RBFOX1: variants seen among roughly 807,000 people sequenced by gnomAD.
RBFOX1 encodes RNA binding fox-1 homolog 1.
A neutral mutation model predicts 57.7 loss-of-function variants in RBFOX1; 8 were observed. That is an observed-to-expected ratio of 0.14 (90% CI 0.08 to 0.25). The LOEUF is 0.25. Among genes scored for constraint, RBFOX1 ranks in the 10% least tolerant of loss-of-function variants. RBFOX1 has a pLI of 1.00. For missense variants in RBFOX1, 611 were observed against 548.5 expected, an observed-to-expected ratio of 1.11 and a Z score of -1.14; for synonymous variants, 326 against 222.4, an observed-to-expected ratio of 1.47 and a Z score of -4.15.
At chr16:5,938,545 A>G (rs538645695) in intron 4 of RBFOX1, among the ~76,000 whole-genome samples, 1 of 152,200 alleles carries the variant, frequency 6.6e-6, no homozygotes, top group East Asian at 1.9e-4. Context: ...AAACTCTACA[A>G]CCTATTTCAC....
At chr16:6,538,793 C>G (rs1363666126) in intron 2 of RBFOX1, among the ~76,000 whole-genome samples, 1 of 152,070 alleles carries the variant, frequency 6.6e-6, no homozygotes, top group Non-Finnish European at 1.5e-5. Flanking sequence ...GGGCCTCTGT[C>G]TTGTTTGCTA....
intron 2 of RBFOX1, among the ~76,000 whole-genome samples, chr16:6,398,890 G>A (rs2152949477): frequency 6.6e-6 from 1 of 152,304 alleles, no homozygotes; most frequent in Non-Finnish European, 1.5e-5. Flanking sequence ...GACTCTGTCT[G>A]GGGGCTCCAG....
chr16:6,485,727 C>G (rs960563817), intron 2 of RBFOX1, among the ~76,000 whole-genome samples: 1 of 152,178 alleles, frequency 6.6e-6, no homozygotes, highest in Non-Finnish European at 1.5e-5. Flanking sequence ...TCTGTTACCC[C>G]AAATTGAGGG....
At chr16:6,371,061 A>G (rs1295764438) in intron 2 of RBFOX1, among the ~76,000 whole-genome samples, 1 of 152,208 alleles carries the variant, frequency 6.6e-6, no homozygotes, top group Non-Finnish European at 1.5e-5. Context: ...TGCCATATTA[A>G]GAGACACATG....
intron 3 of RBFOX1, among the ~76,000 whole-genome samples, chr16:7,044,086 C>G (rs758442273): frequency 2.6e-5 from 4 of 152,132 alleles, no homozygotes; most frequent in Non-Finnish European, 4.4e-5. Context: ...TAGACAATAG[C>G]TCCAGTAGCC....
chr16:5,426,232 A>C (rs2067554643), intron 1 of RBFOX1, among the ~76,000 whole-genome samples: 1 of 152,112 alleles, frequency 6.6e-6, no homozygotes, highest in African/African-American at 2.4e-5. Context: ...TCCCACTCAA[A>C]GTAGGTGTTG....
chr16:5,536,015 G>A (rs2044679221), intron 2 of RBFOX1, among the ~76,000 whole-genome samples: 2 of 151,860 alleles, frequency 1.3e-5, no homozygotes, highest in Admixed American at 6.6e-5. Context: ...TCTTTCTCTA[G>A]CCCCCTTTCC....
chr16:5,530,180 T>A (rs767242851), intron 2 of RBFOX1, among the ~76,000 whole-genome samples: 1 of 152,180 alleles, frequency 6.6e-6, no homozygotes, highest in Non-Finnish European at 1.5e-5. Flanking sequence ...TTGAGCATAA[T>A]TGAAAGAACC....
chr16:6,835,549 T>C (rs6500845), intron 3 of RBFOX1, among the ~76,000 whole-genome samples: 79,173 of 151,368 alleles, frequency 0.52, 22,319 homozygotes, highest in East Asian at 0.87. Context: ...GCCAGGAGTT[T>C]GAGACCAGCC....
chr16:7,430,089 G>C (rs552450655), intron 4 of RBFOX1, among the ~76,000 whole-genome samples: 1 of 152,166 alleles, frequency 6.6e-6, no homozygotes, highest in African/African-American at 2.4e-5. Context: ...GGAATGAATT[G>C]ATTTTTAAAA....
At chr16:6,870,627 T>C (rs989522721) in intron 3 of RBFOX1, among the ~76,000 whole-genome samples, 5 of 152,172 alleles carry the variant, frequency 3.3e-5, no homozygotes, top group African/African-American at 9.7e-5. Flanking sequence ...AATCATAATG[T>C]AGATGAGCAG....
intron 3 of RBFOX1, among the ~76,000 whole-genome samples, chr16:6,926,639 A>G (rs2153464059): frequency 6.6e-6 from 1 of 152,256 alleles, no homozygotes; most frequent in South Asian, 2.1e-4. Context: ...GGTGTAGAAG[A>G]CACAGCTTTG....
chr16:5,342,521 C>A (rs1360842587), intron 1 of RBFOX1, among the ~76,000 whole-genome samples: 2 of 152,142 alleles, frequency 1.3e-5, no homozygotes, highest in East Asian at 3.8e-4. Context: ...TTTTCTATTT[C>A]CCAAAGTTCC....
chr16:5,762,794 A>G (rs770092784), intron 3 of RBFOX1, among the ~76,000 whole-genome samples: 4 of 152,208 alleles, frequency 2.6e-5, no homozygotes, highest in Non-Finnish European at 4.4e-5. Flanking sequence ...TCATTTACAT[A>G]GGTCTGGGAA....
At chr16:6,849,428 G>A (rs1376521346) in intron 3 of RBFOX1, among the ~76,000 whole-genome samples, 1 of 152,200 alleles carries the variant, frequency 6.6e-6, no homozygotes, top group African/African-American at 2.4e-5. Flanking sequence ...TAACACTTGG[G>A]AGGCTGAGGC....
At chr16:6,748,198 C>T (rs1195937299) in intron 3 of RBFOX1, among the ~76,000 whole-genome samples, 1 of 151,934 alleles carries the variant, frequency 6.6e-6, no homozygotes, top group Non-Finnish European at 1.5e-5. Flanking sequence ...AATTGGATAT[C>T]CTTATGGGTT....
chr16:7,135,224 C>G (rs1482375101), intron 4 of RBFOX1, among the ~76,000 whole-genome samples: 1 of 152,058 alleles, frequency 6.6e-6, no homozygotes, highest in Non-Finnish European at 1.5e-5. Context: ...AGTTTCAGCC[C>G]TGTCTAGGAA....
chr16:7,025,423 C>G (rs898490466), intron 3 of RBFOX1, among the ~76,000 whole-genome samples: 2 of 152,098 alleles, frequency 1.3e-5, no homozygotes, highest in Non-Finnish European at 1.5e-5. Flanking sequence ...GTGCTGACCT[C>G]CTATTTTATC....
chr16:7,209,832 A>T (rs190316040), intron 4 of RBFOX1, among the ~76,000 whole-genome samples: 1 of 152,168 alleles, frequency 6.6e-6, no homozygotes, highest in African/African-American at 2.4e-5. Context: ...GAATGAGACA[A>T]GAGTCTCTCC....
Sources: gnomAD v4.1 joint callset for allele counts (sites outside exome capture counted in the v4.1 genomes callset) on GRCh38, gnomAD v4.1.1 for gene constraint, MANE v1.5 for transcripts, NCBI Gene and HGNC (gene_info 2026-07-23, HGNC 2026-07-21) for gene names.